The following KIAA0319L variants were observed in gnomAD, a reference collection of about 807,000 sequenced individuals.
The protein encoded by KIAA0319L is dyslexia-associated protein KIAA0319-like protein.
Under a neutral mutation model 120.1 loss-of-function variants are expected in KIAA0319L, and 55 were observed. That is an observed-to-expected ratio of 0.46 (90% confidence interval 0.37 to 0.57). KIAA0319L has a LOEUF of 0.57. Among genes scored for constraint, KIAA0319L ranks in the 20% least tolerant of loss-of-function variants. The pLI is 0.00. For synonymous variants in KIAA0319L, 398 were observed against 471.9 expected (o/e 0.84, Z 2.03); for missense variants, 1,049 against 1,255.3 (o/e 0.84, Z 2.48).
intron 2 of KIAA0319L, among the ~76,000 whole-genome samples, chr1:35,551,509 G>A (rs1338932166): frequency 6.6e-6 from 1 of 152,098 alleles, no homozygotes; most frequent in Non-Finnish European, 1.5e-5. Context: ...AGTAGAGACG[G>A]CGTTTCACTA....
chr1:35,534,218 G>C (rs910669825), intron 2 of KIAA0319L, among the ~76,000 whole-genome samples: 1 of 152,208 alleles, frequency 6.6e-6, no homozygotes, highest in African/African-American at 2.4e-5. Flanking sequence ...GTATGGTGTA[G>C]ATGATTTGCT....
intron 2 of KIAA0319L, among the ~76,000 whole-genome samples, chr1:35,513,288 A>ATATATATATATATTTTTT (rs1414704674): frequency 3.5e-5 from 3 of 85,300 alleles, no homozygotes; most frequent in African/African-American, 1.3e-4. Flanking sequence ...ATATATATAT[A>ATATATATATATATTTTTT]TTTTTTTTTT....
intron 2 of KIAA0319L, among the ~76,000 whole-genome samples, chr1:35,519,805 T>A (rs1645837036): frequency 6.6e-6 from 1 of 152,222 alleles, no homozygotes; most frequent in South Asian, 2.1e-4. Context: ...AGGAGATACG[T>A]TTCAGATTCA....
intron 2 of KIAA0319L, among the ~76,000 whole-genome samples, chr1:35,543,425 T>G (rs1244079515): frequency 6.6e-6 from 1 of 152,236 alleles, no homozygotes; most frequent in African/African-American, 2.4e-5. Context: ...CTGTAAGATA[T>G]ATTCCATTAG....
intron 2 of KIAA0319L, among the ~76,000 whole-genome samples, chr1:35,523,058 T>C (rs1053600579): frequency 4.0e-5 from 6 of 148,690 alleles, no homozygotes; most frequent in Non-Finnish European, 7.4e-5. Context: ...GTTTGGACCC[T>C]ACCTACCTTT....
chr1:35,552,277 G>C (rs1033284008), intron 2 of KIAA0319L, among the ~76,000 whole-genome samples: 4 of 152,178 alleles, frequency 2.6e-5, no homozygotes, highest in African/African-American at 9.7e-5. Context: ...GGGAGACGGA[G>C]GTTGCAGTGA....
At chr1:35,457,700 T>C (rs1463570675) in intron 9 of KIAA0319L, among the ~76,000 whole-genome samples, 4 of 152,140 alleles carry the variant, frequency 2.6e-5, no homozygotes, top group African/African-American at 9.7e-5. Context: ...TGTAGTTTGT[T>C]TAAATCTCAC....
At chr1:35,497,726 T>C (rs907320822) in intron 3 of KIAA0319L, among the ~76,000 whole-genome samples, 1 of 152,220 alleles carries the variant, frequency 6.6e-6, no homozygotes, top group African/African-American at 2.4e-5. Context: ...GAGCCATTCA[T>C]GCACCCAAAA....
At chr1:35,521,386 G>A (rs555331314) in intron 2 of KIAA0319L, among the ~76,000 whole-genome samples, 3 of 152,144 alleles carry the variant, frequency 2.0e-5, no homozygotes, top group South Asian at 4.1e-4. Flanking sequence ...TGTAATCCCA[G>A]CACTTCGGGA....
intron 2 of KIAA0319L, among the ~76,000 whole-genome samples, chr1:35,544,283 C>T (rs1354478626): frequency 1.3e-5 from 2 of 150,966 alleles, no homozygotes; most frequent in Non-Finnish European, 2.9e-5. Context: ...GCAGGAGAAT[C>T]GCTTGAACCC....
intron 3 of KIAA0319L, among the ~76,000 whole-genome samples, chr1:35,504,247 A>G (rs1645120988): frequency 1.3e-5 from 2 of 151,248 alleles, no homozygotes; most frequent in African/African-American, 4.9e-5. Context: ...CCCAGGCTGG[A>G]GTGCAGTGGC....
chr1:35,501,168 T>C (rs1231212663), intron 3 of KIAA0319L, among the ~76,000 whole-genome samples: 1 of 152,152 alleles, frequency 6.6e-6, no homozygotes, highest in African/African-American at 2.4e-5. Flanking sequence ...AATGGTAAAC[T>C]AGAAGAAAGA....
chr1:35,555,567 T>C (rs1254710398), intron 1 of KIAA0319L, among the ~76,000 whole-genome samples: 1 of 152,204 alleles, frequency 6.6e-6, no homozygotes, highest in East Asian at 1.9e-4. Flanking sequence ...TCTAGTTGTT[T>C]TGTAGTTGTA....
At position 35,464,145 on chromosome 1, in the gene KIAA0319L, T is replaced by C. The variant is rs181098618; in HGVS notation, c.1202-1432A>G. Among the ~76,000 whole-genome samples, 146 of 152,228 alleles carry C rather than the reference T, an allele frequency of 9.6e-4. 1 individual carries two copies. In the East Asian group the frequency reaches 0.026, roughly 27 times the overall value. ...AGAGTAGGGTGCTGCTGAAAAGATA[T>C]CCAAAAATGTGGAAGCAACTTTGCA... On this transcript the variant is annotated intron_variant, in intron 7 of 20. Coordinates refer to ENST00000325722, the MANE Select transcript of KIAA0319L (RefSeq NM_024874.5).
At chr1:35,510,403 G>T (rs565253848) in intron 2 of KIAA0319L, 1 of 148,220 alleles carries the variant, frequency 6.7e-6, no homozygotes, top group African/African-American at 2.5e-5. Context: ...TTTTGAGAAG[G>T]AGTCTCACTC....
At chr1:35,491,122 T>C (rs546127308) in intron 3 of KIAA0319L, among the ~76,000 whole-genome samples, 178 of 152,290 alleles carry the variant, frequency 1.2e-3, no homozygotes, top group Non-Finnish European at 1.6e-3. Flanking sequence ...TAATGGCAGA[T>C]TAAACAATGC....
chr1:35,440,698 A>G (rs572081247), intron 20 of KIAA0319L: 26 of 265,696 alleles, frequency 9.8e-5, no homozygotes, highest in Non-Finnish European at 3.7e-5. Flanking sequence ...CATAAAGCAC[A>G]GACTGGTCAG....
At chr1:35,517,021 C>A (rs1027988486) in intron 2 of KIAA0319L, among the ~76,000 whole-genome samples, 1 of 151,790 alleles carries the variant, frequency 6.6e-6, no homozygotes, top group Admixed American at 6.6e-5. Flanking sequence ...AAGAGCTCTA[C>A]AATGAGAATT....
In KIAA0319L at chr1:35,453,473, A is replaced by C. The variant is rs1642207092; in HGVS notation, c.1913+84T>G. 1 of 1,359,038 alleles carries C rather than the reference A, an allele frequency of 7.4e-7. No individual in the cohort carries two copies. Among genetic ancestry groups the C allele is most frequent in the Admixed American group, 1.8e-5 (1 of 54,744 alleles). The allele number at this position is 1,359,038 out of a possible 1,614,324, so 84.2% of individuals were successfully genotyped here. A position where few individuals can be genotyped will look rare whatever the true frequency, so the allele number is the denominator to read the frequency against. On this transcript the variant is annotated intron_variant, in intron 12 of 20. Transcript: ENST00000325722. The surrounding 1 kb of genome is among the most constrained non-coding windows in gnomAD (Gnocchi z 4.1). ...CCCACTGGATAAGCCAATAAGAGCA[A>C]CTCAACTCATAATAGCAAATAAAAC...
Sources: gnomAD v4.1 joint callset for allele counts (sites outside exome capture counted in the v4.1 genomes callset) on GRCh38, gnomAD v4.1.1 for gene constraint, Gnocchi (gnomAD v3.1) non-coding constraint, MANE v1.5 for transcripts, NCBI Gene and HGNC (gene_info 2026-07-23, HGNC 2026-07-21) for gene names.